CLPTM1: variants seen among roughly 807,000 people sequenced by gnomAD.
CLPTM1 encodes putative lipid scramblase CLPTM1.
CLPTM1 carries 21 observed loss-of-function variants against 77.3 expected under a neutral mutation model. The ratio of observed to expected loss-of-function variants is 0.27; its 90% CI spans 0.19 to 0.39. CLPTM1 has a LOEUF of 0.39. CLPTM1 is among the 10% of genes least tolerant of loss of function. The probability of loss-of-function intolerance (pLI) is 1.00; values close to 1 mark genes in which losing one functional copy is unlikely to be tolerated. For synonymous variants in CLPTM1, 373 were observed against 381.0 expected (o/e 0.98, Z 0.24); for missense variants, 642 against 921.2 (o/e 0.70, Z 3.92).
upstream of CLPTM1, chr19:44,955,031 G>A (rs531768966): frequency 2.4e-5 from 37 of 1,535,588 alleles, no homozygotes; most frequent in Middle Eastern, 3.3e-4. Context: ...AGGACGCGAA[G>A]AATCGGCAGG....
intron 1 of CLPTM1, 188 bp downstream of exon 1, chr19:44,955,655 T>TG: frequency 2.0e-6 from 1 of 496,112 alleles, no homozygotes; most frequent in African/African-American, 2.0e-5. Flanking sequence ...AGGGCCCTGT[T>TG]GCGGGTCGGT....
chr19:44,992,133 A>G lies in CLPTM1; in HGVS notation c.1556-100A>G. The G allele has an allele frequency of 7.9e-7, 1 of 1,260,044 alleles. No individual in the cohort carries two copies. The highest frequency in any genetic ancestry group is 1.1e-6 in the Non-Finnish European group (1 of 887,194). The allele number at this position is 1,260,044 out of a possible 1,614,324, so 78.1% of individuals were successfully genotyped here. The stretch of plus-strand genomic sequence containing the variant: ...GTATAGGAAGTGGTAGAGTGTGCCC[A>G]GGTGTAGGAAGTGGTGAGGGGGCTG... On this transcript the variant is annotated intron_variant, in intron 12 of 13. Coordinates refer to ENST00000337392, the MANE Select transcript of CLPTM1 (RefSeq NM_001294.4). This position sits in a 1 kb window ranked among gnomAD's most constrained non-coding sequence, Gnocchi z 7.7.
At chr19:44,980,508 CAA>C (rs74516090) in intron 5 of CLPTM1, among the ~76,000 whole-genome samples, 1,664 of 93,090 alleles carry the variant, frequency 0.018, 34 homozygotes, top group African/African-American at 0.065. Context: ...GACTCCATCT[CAA>C]AAAAAAAAAA....
At chr19:44,987,152 A>C (rs1017540543) in intron 7 of CLPTM1, 27 bp from the exon 8 acceptor site, 17 of 1,594,660 alleles carry the variant, frequency 1.1e-5, no homozygotes, top group Non-Finnish European at 1.5e-5. Context: ...CCCGGGCCAA[A>C]TGGTGCCCCT....
At chr19:44,974,361 C>T (rs1225902873) in intron 3 of CLPTM1, 78 bp from the exon 4 acceptor site, 16 of 1,463,918 alleles carry the variant, frequency 1.1e-5, no homozygotes, top group Admixed American at 3.9e-5. Context: ...GTGTGCTGAC[C>T]GCTGCCATAG....
chr19:44,983,617 CAAAAAAAAAAA>C (rs35582067), intron 5 of CLPTM1, among the ~76,000 whole-genome samples: 106 of 39,808 alleles, frequency 2.7e-3, no homozygotes, highest in Non-Finnish European at 3.5e-3. Context: ...GACTCTGTCT[CAAAAAAAAAAA>C]AAAAAAAAAA....
At chr19:44,962,126 A>G (rs1390288906) in intron 2 of CLPTM1, 51 bp downstream of exon 2, 8 of 1,155,470 alleles carry the variant, frequency 6.9e-6, no homozygotes, top group Non-Finnish European at 9.9e-6. Flanking sequence ...AAATAAAAAT[A>G]AGGAAGAAAG....
chr19:44,966,403 A>T (rs555802936), intron 2 of CLPTM1, among the ~76,000 whole-genome samples: 1 of 125,278 alleles, frequency 8.0e-6, no homozygotes, highest in Non-Finnish European at 1.7e-5. Context: ...AGAGCGAGAC[A>T]CAGTCTCAAA....
intron 4 of CLPTM1, among the ~76,000 whole-genome samples, chr19:44,975,184 A>G (rs922264262): frequency 2.0e-5 from 3 of 152,148 alleles, no homozygotes; most frequent in African/African-American, 7.2e-5. Context: ...TCCCTGACTC[A>G]CAGAGCACTC....
At position 44,990,234 on chromosome 19, in the gene CLPTM1, T is replaced by G; in HGVS notation, c.1133-161T>G. On this transcript the variant is annotated intron_variant, in intron 9 of 13. Coordinates refer to ENST00000337392, the MANE Select transcript of CLPTM1 (RefSeq NM_001294.4). The surrounding 1 kb of genome is among the most constrained non-coding windows in gnomAD (Gnocchi z 4.8). Reference sequence around the variant, plus strand: ...TGCTCTGGGGGTCACCCAATGAATATGAGAGCCTTCCTGGGAGAGAGGGGT... The same window carrying G: ...TGCTCTGGGGGTCACCCAATGAATAGGAGAGCCTTCCTGGGAGAGAGGGGT... 2 of 695,008 alleles carry G rather than the reference T, an allele frequency of 2.9e-6. No homozygotes were observed. The highest frequency in any genetic ancestry group is 4.9e-6 in the Non-Finnish European group (2 of 411,964). 43.1% of individuals were successfully genotyped at this position (695,008 alleles called of 1,614,324 possible).
intron 1 of CLPTM1, among the ~76,000 whole-genome samples, chr19:44,957,292 TTGAC>T (rs61637595): frequency 0.12 from 18,646 of 152,262 alleles, 1,261 homozygotes; most frequent in South Asian, 0.24. Context: ...AAAGCCCTCT[TTGAC>T]TGTCTGGGCT....
At chr19:44,986,797 C>T in intron 7 of CLPTM1, 2 of 572,598 alleles carry the variant, frequency 3.5e-6, no homozygotes, top group Middle Eastern at 9.2e-4. Context: ...CATCGGTCCG[C>T]AATCAAGTGC....
At chr19:44,979,718 T>TA (rs1970863694) in intron 5 of CLPTM1, among the ~76,000 whole-genome samples, 1 of 152,184 alleles carries the variant, frequency 6.6e-6, no homozygotes, top group African/African-American at 2.4e-5. Flanking sequence ...AAGAATGTGC[T>TA]GCGTTGGTAT....
At position 44,977,473 on chromosome 19, in the gene CLPTM1, C is replaced by G; in HGVS notation, c.586+13C>G. 1 of 1,584,686 alleles carries G rather than the reference C, an allele frequency of 6.3e-7. No individual in the cohort carries two copies. The highest frequency in any genetic ancestry group is 1.1e-5 in the South Asian group (1 of 90,628). On this transcript the variant is annotated intron_variant, in intron 5 of 13. Coordinates refer to ENST00000337392, the MANE Select transcript of CLPTM1 (RefSeq NM_001294.4). ...CACATGTCCCGGAGTAAGTCGCTCC[C>G]CTGCAGCCAGGACCCACTGTCCAGG...
In CLPTM1 at chr19:44,977,467, C is replaced by T. The variant is rs371504501; in HGVS notation, c.586+7C>T. On this transcript the variant is annotated splice_region_variant and intron_variant, in intron 5 of 13. Transcript: ENST00000337392. ...ACAGTCCACATGTCCCGGAGTAAGT[C>T]GCTCCCCTGCAGCCAGGACCCACTG... The T allele has an allele frequency of 2.8e-4, 444 of 1,590,588 alleles. No homozygotes were observed. The highest frequency in any genetic ancestry group is 9.4e-4 in the South Asian group (85 of 90,720).
intron 5 of CLPTM1, among the ~76,000 whole-genome samples, chr19:44,978,839 T>TGC: frequency 6.8e-6 from 1 of 146,774 alleles, no homozygotes; most frequent in East Asian, 2.1e-4. Flanking sequence ...CTAGAGTACA[T>TGC]CAGTAGTCCC....
chr19:44,964,103 A>T (rs1206367529), intron 2 of CLPTM1, among the ~76,000 whole-genome samples: 2 of 151,106 alleles, frequency 1.3e-5, no homozygotes, highest in African/African-American at 4.9e-5. Context: ...AGCCGAGATC[A>T]CACCACTGTA....
At chr19:44,981,703 A>G (rs914654271) in intron 5 of CLPTM1, among the ~76,000 whole-genome samples, 1 of 152,012 alleles carries the variant, frequency 6.6e-6, no homozygotes, top group African/African-American at 2.4e-5. Context: ...GCTTGAGCCT[A>G]GGAGTTCGAG....
rs778157562 is a variant in CLPTM1 at position 44,963,207 on chromosome 19, CAAAAAAAAAAAA to C, written c.185+1142_185+1153del. 3.8e-4 allele frequency among the ~76,000 whole-genome samples: 11 copies of C among 29,058 alleles called. 1 individual carries two copies. The Admixed American group carries it at 4.5e-3, about 12-fold the overall frequency. The allele number at this position is 29,058 out of a possible 152,430, so 19.1% of individuals were successfully genotyped here. A position where few individuals can be genotyped will look rare whatever the true frequency, so the allele number is the denominator to read the frequency against. On this transcript the variant is annotated intron_variant, in intron 2 of 13. Transcript: ENST00000337392. ...CTGGGGACAGAGTGAGACTCCATCTCAAAAAAAAAAAAAAAAAAAAAGCCAGGTATGGTGACA... is the reference window on the plus strand; with the variant it reads ...CTGGGGACAGAGTGAGACTCCATCTCAAAAAAAAAGCCAGGTATGGTGACA...
Sources: gnomAD v4.1 joint callset for allele counts (sites outside exome capture counted in the v4.1 genomes callset) on GRCh38, gnomAD v4.1.1 for gene constraint, Gnocchi (gnomAD v3.1) non-coding constraint, MANE v1.5 for transcripts, NCBI Gene and HGNC (gene_info 2026-07-23, HGNC 2026-07-21) for gene names.